DYNC2H1: variants seen among roughly 807,000 people sequenced by gnomAD.
DYNC2H1 encodes dynein cytoplasmic 2 heavy chain 1, also known as cytoplasmic dynein 2 heavy chain 1.
A neutral mutation model predicts 570.0 loss-of-function variants in DYNC2H1; 410 were observed. The observed-to-expected ratio is 0.72, with a 90% CI of 0.66 to 0.78. DYNC2H1 has a LOEUF of 0.78. Among genes scored for constraint, DYNC2H1 ranks in the 30% least tolerant of loss-of-function variants. The pLI, the probability that DYNC2H1 is intolerant of heterozygous loss-of-function variation, is 0.00. For synonymous variants in DYNC2H1, 1,688 were observed against 1,677.6 expected (o/e 1.01, Z -0.15); for missense variants, 4,865 against 5,046.4 (o/e 0.96, Z 1.09).
Position 103,191,546 on chromosome 11 carries a change from TAGTC to T in DYNC2H1, c.7469_7472del (p.Ser2490ThrfsTer21). ...GAGCCAAATTTACAGTTGATGATTATAGTCACTATTTCTTTACTCCTTGCATTCT... is the reference window on the plus strand; with the variant it reads ...GAGCCAAATTTACAGTTGATGATTATACTATTTCTTTACTCCTTGCATTCT... On this transcript the variant is annotated frameshift_variant, in exon 46 of 89. Coordinates refer to ENST00000375735, the MANE Select transcript of DYNC2H1 (RefSeq NM_001377.3). LOFTEE classifies it high-confidence loss of function. 6.2e-7 allele frequency: 1 copy of T among 1,609,214 alleles called. No individual in the cohort carries two copies. Among genetic ancestry groups the T allele is most frequent in the Non-Finnish European group, 8.5e-7 (1 of 1,177,514 alleles).
intron 75 of DYNC2H1, among the ~76,000 whole-genome samples, chr11:103,296,646 T>C (rs1283388944): frequency 6.6e-6 from 1 of 152,206 alleles, no homozygotes; most frequent in African/African-American, 2.4e-5. Flanking sequence ...ATGTCTTTGC[T>C]GTAATCAAAG....
At chr11:103,219,415 C>T (rs1031371772) in intron 55 of DYNC2H1, among the ~76,000 whole-genome samples, 7 of 152,088 alleles carry the variant, frequency 4.6e-5, no homozygotes, top group Non-Finnish European at 8.8e-5. Flanking sequence ...AGTTTGAGAC[C>T]AGCCTGGCCA....
rs1177170149 is a variant in DYNC2H1 at position 103,121,616 on chromosome 11, A to G, written c.1485+120A>G. The G allele has an allele frequency of 4.5e-6, 5 of 1,115,082 alleles. No individual in the cohort carries two copies. The East Asian group carries it at 7.8e-5, about 17-fold the overall frequency. The allele number at this position is 1,115,082 out of a possible 1,614,324, so 69.1% of individuals were successfully genotyped here. On this transcript the variant is annotated intron_variant, in intron 10 of 88. Coordinates refer to ENST00000375735, the MANE Select transcript of DYNC2H1 (RefSeq NM_001377.3). ...TCTGTTTTCCTTGGCATGTCTGTCT[A>G]ATTTTCATACAAAATGCAGAACACT...
chr11:103,343,718 C>CAATAACATAA (rs1555106737), intron 82 of DYNC2H1, among the ~76,000 whole-genome samples: 1 of 151,496 alleles, frequency 6.6e-6, no homozygotes, highest in Non-Finnish European at 1.5e-5. Context: ...CCTTGTCAAT[C>CAATAACATAA]AATAAAATAA....
rs66667903 is a variant in DYNC2H1, at chr11:103,434,439, T to A, written c.12367-1504T>A. ...TTTTTCCTTCCTTTTTTTTTTTTTTTAAGTCCTCAAAGCTCCATAGGCTTC... is the reference window on the plus strand; with the variant it reads ...TTTTTCCTTCCTTTTTTTTTTTTTTAAAGTCCTCAAAGCTCCATAGGCTTC... On this transcript the variant is annotated intron_variant, in intron 84 of 88. Coordinates refer to ENST00000375735, the MANE Select transcript of DYNC2H1 (RefSeq NM_001377.3). Among the ~76,000 whole-genome samples, 1,113 of 137,936 alleles carry A rather than the reference T, an allele frequency of 8.1e-3. 5 individuals carry two copies. The highest frequency in any genetic ancestry group is 0.032 in the South Asian group (137 of 4,266). 90.5% of individuals were successfully genotyped at this position (137,936 alleles called of 152,430 possible).
chr11:103,353,285 C>G (rs1940141304), intron 82 of DYNC2H1, among the ~76,000 whole-genome samples: 1 of 152,110 alleles, frequency 6.6e-6, no homozygotes, highest in Non-Finnish European at 1.5e-5. Context: ...GCACATGTAT[C>G]CCGAAACTTA....
intron 52 of DYNC2H1, among the ~76,000 whole-genome samples, chr11:103,208,531 TG>T (rs1407312779): frequency 6.6e-6 from 1 of 152,134 alleles, no homozygotes; most frequent in Non-Finnish European, 1.5e-5. Context: ...AGAGTTCATG[TG>T]GCTGCTGCAC....
intron 84 of DYNC2H1, among the ~76,000 whole-genome samples, chr11:103,421,121 A>G (rs1414969711): frequency 2.0e-5 from 3 of 152,208 alleles, no homozygotes; most frequent in African/African-American, 7.2e-5. Flanking sequence ...AAGATTAAAA[A>G]AAGACAAAGA....
At chr11:103,375,708 G>T (rs1941364307) in intron 83 of DYNC2H1, among the ~76,000 whole-genome samples, 1 of 152,122 alleles carries the variant, frequency 6.6e-6, no homozygotes, top group African/African-American at 2.4e-5. Context: ...ATTTACAATG[G>T]GTGTAGTAGC....
chr11:103,325,220 C>T lies in DYNC2H1; in HGVS notation c.12039+1230C>T, dbSNP rs1265913170. Among the ~76,000 whole-genome samples the T allele has an allele frequency of 6.6e-6, 1 of 152,164 alleles. No individual in the cohort carries two copies. The highest frequency in any genetic ancestry group is 1.5e-5 in the Non-Finnish European group (1 of 68,026). ...CTGCAGAAGCTCTTTAGTTAGGTCT[C>T]ATTTGACAATTTTTGTTTGGGTTGC... On this transcript the variant is annotated intron_variant, in intron 82 of 88. Coordinates refer to ENST00000375735, the MANE Select transcript of DYNC2H1 (RefSeq NM_001377.3). This position sits in a 1 kb window ranked among gnomAD's most constrained non-coding sequence, Gnocchi z 4.8.
At chr11:103,475,462 TCTATATACACAAAACATTGTG>T (rs1945521333) in intron 88 of DYNC2H1, among the ~76,000 whole-genome samples, 1 of 152,190 alleles carries the variant, frequency 6.6e-6, no homozygotes, top group South Asian at 2.1e-4. Context: ...TCAAAGAACT[TCTATATACACAAAACATTGTG>T]CTAATATAAT....
intron 10 of DYNC2H1, 25 bp downstream of exon 10, chr11:103,121,521 G>A (rs754388668): frequency 1.0e-5 from 16 of 1,607,672 alleles, no homozygotes; most frequent in Non-Finnish European, 1.4e-5. Context: ...AAAAGATGAA[G>A]AGTACTAATT....
chr11:103,143,485 C>T (rs927816398), intron 18 of DYNC2H1, 90 bp downstream of exon 18: 7 of 1,302,522 alleles, frequency 5.4e-6, no homozygotes, highest in Non-Finnish European at 7.1e-6. Context: ...ATTGAAGTCA[C>T]ATCAGCTTCT....
chr11:103,385,877 G>C (rs1178009586), intron 83 of DYNC2H1, among the ~76,000 whole-genome samples: 1 of 152,188 alleles, frequency 6.6e-6, no homozygotes, highest in Admixed American at 6.5e-5. Context: ...GCCAATGGAA[G>C]ATCTGTCTAC....
At chr11:103,428,709 C>A (rs1943772655) in intron 84 of DYNC2H1, among the ~76,000 whole-genome samples, 1 of 152,078 alleles carries the variant, frequency 6.6e-6, no homozygotes, top group Non-Finnish European at 1.5e-5. Context: ...ATTTTGGGTA[C>A]CTCATTTAAG....
chr11:103,177,945 T>C lies in DYNC2H1; in HGVS notation c.6139+125T>C. The C allele has an allele frequency of 2.7e-6, 3 of 1,116,736 alleles. No individual in the cohort carries two copies. The highest frequency in any genetic ancestry group is 2.3e-4 in the Middle Eastern group (1 of 4,380). 69.2% of individuals were successfully genotyped at this position (1,116,736 alleles called of 1,614,324 possible). A position where few individuals can be genotyped will look rare whatever the true frequency, so the allele number is the denominator to read the frequency against. ...TAAAGTCATAATTAAGTTAAAATGA[T>C]GTACATTTGATATTTTACTTTGGAG... On this transcript the variant is annotated intron_variant, in intron 38 of 88. Transcript: ENST00000375735. The surrounding 1 kb of genome is among the most constrained non-coding windows in gnomAD (Gnocchi z 4.4).
intron 52 of DYNC2H1, among the ~76,000 whole-genome samples, chr11:103,207,642 A>T (rs1317272209): frequency 6.6e-6 from 1 of 152,086 alleles, no homozygotes; most frequent in East Asian, 1.9e-4. Context: ...GTAGTTTGGG[A>T]GAGTGAAAGA....
At chr11:103,376,106 C>G (rs1211456312) in intron 83 of DYNC2H1, among the ~76,000 whole-genome samples, 1 of 152,138 alleles carries the variant, frequency 6.6e-6, no homozygotes, top group African/African-American at 2.4e-5. Context: ...TTATAAGCGT[C>G]TGGCATTTCC....
chr11:103,273,147 T>C (rs906870265), intron 70 of DYNC2H1, among the ~76,000 whole-genome samples: 1 of 151,298 alleles, frequency 6.6e-6, no homozygotes, highest in Non-Finnish European at 1.5e-5. Context: ...CCTCCCCTTT[T>C]CTTTTCTTTT....
Sources: allele counts gnomAD v4.1 joint callset (sites outside exome capture counted in the v4.1 genomes callset), GRCh38; gene constraint gnomAD v4.1.1; non-coding constraint Gnocchi (gnomAD v3.1); transcripts MANE v1.5; gene names NCBI Gene and HGNC (gene_info 2026-07-23, HGNC 2026-07-21).